The following PIP5K1B variants were observed in gnomAD, a reference collection of about 807,000 sequenced individuals.
PIP5K1B encodes the protein phosphatidylinositol-4-phosphate 5-kinase type 1 beta, also known as phosphatidylinositol 4-phosphate 5-kinase type-1 beta.
In PIP5K1B, 42 loss-of-function variants were observed where a neutral mutation model predicts 67.0. The ratio of observed to expected loss-of-function variants is 0.63; its 90% CI spans 0.49 to 0.81. PIP5K1B has a LOEUF of 0.81. Among genes scored for constraint, PIP5K1B ranks in the 30% least tolerant of loss-of-function variants. The pLI is 0.00. For missense variants in PIP5K1B, 459 were observed against 646.3 expected (o/e 0.71, Z 3.14); for synonymous variants, 214 against 231.4 (o/e 0.92, Z 0.68).
At chr9:68,944,765 C>G (rs1015251015) in intron 14 of PIP5K1B, among the ~76,000 whole-genome samples, 5 of 151,000 alleles carry the variant, frequency 3.3e-5, no homozygotes, top group Non-Finnish European at 7.4e-5. Flanking sequence ...TGGAAACACT[C>G]TAACCAGAAG....
intron 6 of PIP5K1B, among the ~76,000 whole-genome samples, chr9:68,888,045 C>G (rs1274425845): frequency 6.9e-6 from 1 of 144,142 alleles, no homozygotes; most frequent in Non-Finnish European, 1.5e-5. Flanking sequence ...ATGGTGTGAT[C>G]TTGACTCACT....
At chr9:68,909,205 T>G (rs1485456485) in intron 8 of PIP5K1B, among the ~76,000 whole-genome samples, 1 of 152,230 alleles carries the variant, frequency 6.6e-6, no homozygotes, top group African/African-American at 2.4e-5. Flanking sequence ...AATAAAAATA[T>G]GTAAAAGTAG....
At chr9:68,935,616 G>A (rs986665468) in intron 13 of PIP5K1B, among the ~76,000 whole-genome samples, 5 of 152,106 alleles carry the variant, frequency 3.3e-5, no homozygotes, top group African/African-American at 1.2e-4. Context: ...ACTACCTGAT[G>A]GTAACAAATA....
At chr9:68,774,945 GGCA>G (rs1564124430) in intron 2 of PIP5K1B, among the ~76,000 whole-genome samples, 1 of 152,134 alleles carries the variant, frequency 6.6e-6, no homozygotes, top group African/African-American at 2.4e-5. Flanking sequence ...CTAGAAATGT[GGCA>G]GCAGCTTCTT....
intron 4 of PIP5K1B, among the ~76,000 whole-genome samples, chr9:68,823,089 G>A (rs1833810425): frequency 6.6e-6 from 1 of 152,182 alleles, no homozygotes; most frequent in Non-Finnish European, 1.5e-5. Context: ...TAAAGGGCCT[G>A]TGTGATTGCA....
chr9:68,890,319 T>C (rs1043907553), intron 7 of PIP5K1B, among the ~76,000 whole-genome samples: 7 of 152,348 alleles, frequency 4.6e-5, no homozygotes, highest in Middle Eastern at 3.4e-3. Flanking sequence ...TGTTCCTAAA[T>C]AGTCCAGGCA....
In PIP5K1B at chr9:68,976,532, T is replaced by C. The variant is rs141856252; in HGVS notation, c.1503-14608T>C. Among the ~76,000 whole-genome samples the C allele has an allele frequency of 4.1e-3, 624 of 152,284 alleles. 1 individual carries two copies. Among genetic ancestry groups the C allele is most frequent in the Non-Finnish European group, 6.6e-3 (448 of 68,024 alleles). ...TTGCTGTAGCTCCTTCTTTCACATA[T>C]TGTACTGCTCCTCTGAGCCACAGGG... On this transcript the variant is annotated intron_variant, in intron 14 of 15. Transcript: ENST00000265382.
At chr9:68,965,947 C>T (rs1302628279) in intron 14 of PIP5K1B, among the ~76,000 whole-genome samples, 1 of 145,314 alleles carries the variant, frequency 6.9e-6, no homozygotes, top group Non-Finnish European at 1.5e-5. Flanking sequence ...GCACTCCAAC[C>T]TGGGTGACAG....
intron 4 of PIP5K1B, among the ~76,000 whole-genome samples, chr9:68,840,132 G>A (rs1587536773): frequency 2.0e-5 from 3 of 152,230 alleles, no homozygotes; most frequent in South Asian, 4.1e-4. Context: ...ATCCCAGCAC[G>A]TTGGGAGGCC....
intron 14 of PIP5K1B, among the ~76,000 whole-genome samples, chr9:68,963,830 G>A (rs1828880074): frequency 6.6e-6 from 1 of 152,156 alleles, no homozygotes; most frequent in Non-Finnish European, 1.5e-5. Flanking sequence ...GTCAGTATTG[G>A]GTGGTGGTGA....
chr9:68,894,699 C>A, intron 8 of PIP5K1B, 61 bp downstream of exon 8: 1 of 1,460,390 alleles, frequency 6.8e-7, no homozygotes, highest in South Asian at 1.2e-5. Context: ...ACTGTGGCTG[C>A]CACTTATTGA....
chr9:68,940,897 C>T (rs1827527742), intron 14 of PIP5K1B, 107 bp downstream of exon 14: 2 of 1,006,486 alleles, frequency 2.0e-6, no homozygotes, highest in Admixed American at 3.5e-5. Context: ...CAGGATGTGC[C>T]TGTCATCTGC....
At chr9:68,785,153 T>C (rs953561049) in intron 2 of PIP5K1B, among the ~76,000 whole-genome samples, 1 of 152,150 alleles carries the variant, frequency 6.6e-6, no homozygotes, top group Admixed American at 6.5e-5. Flanking sequence ...ATTGGTTAAG[T>C]GGGTACTAGG....
intron 5 of PIP5K1B, among the ~76,000 whole-genome samples, chr9:68,872,915 CATA>C (rs1823697283): frequency 6.6e-6 from 1 of 152,132 alleles, no homozygotes; most frequent in Non-Finnish European, 1.5e-5. Context: ...TCCAGGTTAC[CATA>C]ATGAGTAACC....
chr9:68,876,598 T>C (rs778262028), intron 5 of PIP5K1B, 79 bp from the exon 6 acceptor site: 4 of 811,558 alleles, frequency 4.9e-6, no homozygotes, highest in South Asian at 1.4e-5. Flanking sequence ...CCAGGACTAA[T>C]AGAGCTACAA....
chr9:68,929,761 C>G (rs948126704), intron 12 of PIP5K1B, among the ~76,000 whole-genome samples: 1 of 152,188 alleles, frequency 6.6e-6, no homozygotes, highest in African/African-American at 2.4e-5. Flanking sequence ...CCTCTGCCTC[C>G]CAGGTTCAAG....
intron 2 of PIP5K1B, among the ~76,000 whole-genome samples, chr9:68,794,001 T>G (rs117710325): frequency 6.6e-6 from 1 of 152,176 alleles, no homozygotes; most frequent in Non-Finnish European, 1.5e-5. Flanking sequence ...TTAGAAACCA[T>G]GTGAAGAAGA....
chr9:68,858,887 G>A (rs7863342), intron 4 of PIP5K1B, among the ~76,000 whole-genome samples: 66,758 of 152,128 alleles, frequency 0.44, 14,722 homozygotes, highest in East Asian at 0.5. Flanking sequence ...ATGTAAGGAC[G>A]TCAAAATCTT....
intron 3 of PIP5K1B, among the ~76,000 whole-genome samples, chr9:68,820,811 G>A (rs763833401): frequency 7.9e-5 from 12 of 152,240 alleles, no homozygotes; most frequent in Non-Finnish European, 1.8e-4. Context: ...ATGAATTATA[G>A]GTCACATGTG....
Sources: gnomAD v4.1 joint callset for allele counts (sites outside exome capture counted in the v4.1 genomes callset) on GRCh38, gnomAD v4.1.1 for gene constraint, MANE v1.5 for transcripts, NCBI Gene and HGNC (gene_info 2026-07-23, HGNC 2026-07-21) for gene names.